HOMER2: variants seen among roughly 807,000 people sequenced by gnomAD.
HOMER2 encodes homer scaffold protein 2.
A neutral mutation model predicts 47.0 loss-of-function variants in HOMER2; 27 were observed. The ratio of observed to expected loss-of-function variants is 0.57; its 90% CI spans 0.42 to 0.79. The LOEUF is 0.79. Ranked by LOEUF, HOMER2 falls within the 30% of genes least tolerant of loss-of-function variation. The probability of loss-of-function intolerance (pLI) is 0.00; values close to 1 mark genes in which losing one functional copy is unlikely to be tolerated. For synonymous variants in HOMER2, 161 were observed against 163.8 expected, an observed-to-expected ratio of 0.98 and a Z score of 0.13; for missense variants, 443 against 435.0, an observed-to-expected ratio of 1.02 and a Z score of -0.16.
intron 1 of HOMER2, among the ~76,000 whole-genome samples, chr15:82,904,218 C>G (rs545407554): frequency 1.1e-4 from 17 of 152,310 alleles, no homozygotes; most frequent in Admixed American, 9.8e-4. Flanking sequence ...CAAACCACTG[C>G]CCCCAAAATT....
chr15:82,864,202 G>T lies in HOMER2; in HGVS notation c.352C>A (p.Gln118Lys). The T allele has an allele frequency of 1.2e-6, 2 of 1,611,224 alleles. No individual in the cohort carries two copies. The highest frequency in any genetic ancestry group is 1.7e-6 in the Non-Finnish European group (2 of 1,178,556). Residue 118 changes from glutamine to lysine, a missense_variant, in exon 4 of 9, where the codon CAG becomes AAG. Gln to Lys is a moderately conservative substitution (Grantham distance 53, BLOSUM62 1). Transcript: ENST00000450735. ...TTACTTGAGGTCTCGATTTTCTCCT[G>T]CGTCTTGTCTTTGGCTATCTTGGCA... Reference protein sequence around the residue: ...EAAKIAKDKTQEKIETSSNHS... With the variant: ...EAAKIAKDKTKEKIETSSNHS...
intron 1 of HOMER2, among the ~76,000 whole-genome samples, chr15:82,974,830 G>A (rs1292819383): frequency 6.6e-6 from 1 of 152,210 alleles, no homozygotes; most frequent in African/African-American, 2.4e-5. Context: ...AGCACTTCGG[G>A]AGGCCGAGGC....
At chr15:82,952,429 G>T (rs1567073762) in intron 1 of HOMER2, 102 bp downstream of exon 1, 1 of 855,612 alleles carries the variant, frequency 1.2e-6, no homozygotes, top group South Asian at 5.7e-5. Context: ...TGGGGAGGCG[G>T]GGGCCGGCCC....
At chr15:82,914,829 G>A (rs997758723) in intron 1 of HOMER2, among the ~76,000 whole-genome samples, 13 of 152,270 alleles carry the variant, frequency 8.5e-5, no homozygotes, top group African/African-American at 3.1e-4. Flanking sequence ...AAGGGAGGAA[G>A]AGCAACTGTG....
chr15:82,854,493 G>A (rs943795990), intron 6 of HOMER2, 151 bp downstream of exon 6: 89 of 675,506 alleles, frequency 1.3e-4, no homozygotes, highest in Middle Eastern at 4.0e-4. Flanking sequence ...CAGGGAGGGG[G>A]AGGGACGTTC....
intron 1 of HOMER2, among the ~76,000 whole-genome samples, chr15:82,899,337 C>G (rs1336538662): frequency 2.0e-5 from 3 of 152,226 alleles, no homozygotes; most frequent in Non-Finnish European, 4.4e-5. Context: ...AGGCCCTTGA[C>G]TGGTCACCCA....
chr15:82,966,553 G>T (rs1158668839), intron 1 of HOMER2, among the ~76,000 whole-genome samples: 5 of 152,142 alleles, frequency 3.3e-5, no homozygotes, highest in African/African-American at 1.2e-4. Context: ...AATTTTACTA[G>T]GAGCCTCCAG....
chr15:82,953,670 G>A (rs1397166809), upstream of HOMER2, among the ~76,000 whole-genome samples: 4 of 152,112 alleles, frequency 2.6e-5, no homozygotes, highest in African/African-American at 4.8e-5. Context: ...TCTGGAGATC[G>A]AGGCCATCCT....
intron 1 of HOMER2, among the ~76,000 whole-genome samples, chr15:82,929,274 C>G (rs1170958163): frequency 6.6e-6 from 1 of 152,028 alleles, no homozygotes; most frequent in African/African-American, 2.4e-5. Flanking sequence ...CTGCTGAAAC[C>G]TGAGAAAAAG....
chr15:82,852,963 G>A lies in HOMER2; in HGVS notation c.652-711C>T, dbSNP rs559438219. Among the ~76,000 whole-genome samples the A allele has an allele frequency of 7.2e-5, 11 of 152,324 alleles. No individual in the cohort carries two copies. In the East Asian group the frequency reaches 1.3e-3, roughly 19 times the overall value. ...ACTCTCACACTGCCATTGAATGCTG[G>A]GGGCCAAAATGTGTGTGCAGAGTGG... is the stretch of plus-strand genomic sequence containing the variant. On this transcript the variant is annotated intron_variant, in intron 6 of 8. Coordinates refer to ENST00000450735, the MANE Select transcript of HOMER2 (RefSeq NM_004839.4).
chr15:82,914,696 A>G (rs769568143), intron 1 of HOMER2, among the ~76,000 whole-genome samples: 4 of 152,206 alleles, frequency 2.6e-5, no homozygotes, highest in Non-Finnish European at 4.4e-5. Context: ...CTTACAAATG[A>G]TTTAGGTGGT....
intron 1 of HOMER2, among the ~76,000 whole-genome samples, chr15:82,929,484 C>T (rs1017543439): frequency 6.6e-6 from 1 of 151,678 alleles, no homozygotes; most frequent in East Asian, 2.0e-4. Context: ...GGAGAAACCC[C>T]GTCTCTACTA....
chr15:82,894,926 A>T (rs1278122392), intron 1 of HOMER2, among the ~76,000 whole-genome samples: 1 of 152,142 alleles, frequency 6.6e-6, no homozygotes, highest in Non-Finnish European at 1.5e-5. Context: ...AATGTAGAAT[A>T]CTCATTATTA....
chr15:82,976,346 G>A (rs2030200531), intron 1 of HOMER2, among the ~76,000 whole-genome samples: 2 of 152,008 alleles, frequency 1.3e-5, no homozygotes, highest in Non-Finnish European at 2.9e-5. Context: ...CGCCCAGGCT[G>A]GAGTGCAGTG....
intron 1 of HOMER2, among the ~76,000 whole-genome samples, chr15:82,984,590 G>A (rs1025501642): frequency 6.6e-6 from 1 of 152,192 alleles, no homozygotes; most frequent in Non-Finnish European, 1.5e-5. Flanking sequence ...AGGCTGAGGT[G>A]GGTGGACTGC....
At chr15:82,914,240 TG>T (rs112778749) in intron 1 of HOMER2, among the ~76,000 whole-genome samples, 3,237 of 148,056 alleles carry the variant, frequency 0.022, 133 homozygotes, top group African/African-American at 0.074. Context: ...TAGCCAGGCA[TG>T]GTGGTGGGCA....
exon 2 of HOMER2, chr15:82,843,790 GGTCT>G (rs1298823060): frequency 6.6e-6 from 1 of 151,940 alleles, no homozygotes; most frequent in African/African-American, 2.4e-5. Context: ...AGTATAATTG[GGTCT>G]GTCTTTCTGG....
intron 1 of HOMER2, among the ~76,000 whole-genome samples, chr15:82,976,956 G>A (rs961454469): frequency 2.6e-5 from 4 of 151,972 alleles, no homozygotes; most frequent in East Asian, 1.9e-4. Flanking sequence ...GATTACAGGC[G>A]TGAGCTACCG....
At chr15:82,863,199 G>A (rs1224077858) in intron 4 of HOMER2, among the ~76,000 whole-genome samples, 1 of 151,668 alleles carries the variant, frequency 6.6e-6, no homozygotes, top group East Asian at 1.9e-4. Flanking sequence ...CCCCCTCCCC[G>A]GGCTTCCCTG....
Sources: allele counts gnomAD v4.1 joint callset (sites outside exome capture counted in the v4.1 genomes callset), GRCh38; gene constraint gnomAD v4.1.1; transcripts MANE v1.5; gene names NCBI Gene and HGNC (gene_info 2026-07-23, HGNC 2026-07-21).